The following CCDC171 variants were observed in gnomAD, a reference collection of about 807,000 sequenced individuals.
CCDC171 encodes the protein coiled-coil domain containing 171.
In CCDC171, 177 loss-of-function variants were observed where a neutral mutation model predicts 168.2. The observed-to-expected ratio is 1.05, with a 90% CI of 0.93 to 1.19. The LOEUF (loss-of-function observed/expected upper bound fraction) is 1.19, where lower values mean the gene tolerates loss of function less well. CCDC171 is among the 50% of genes most tolerant of loss of function. The pLI is 0.00. For synonymous variants in CCDC171, 687 were observed against 540.8 expected (o/e 1.27, Z -3.75); for missense variants, 1,991 against 1,539.0 (o/e 1.29, Z -4.91).
In CCDC171 at chr9:15,744,348, G is replaced by C; in HGVS notation, c.2125G>C (p.Glu709Gln). The C allele has an allele frequency of 1.2e-6, 2 of 1,614,000 alleles. No homozygotes were observed. Among genetic ancestry groups the C allele is most frequent in the Non-Finnish European group, 1.7e-6 (2 of 1,179,974 alleles). The change falls in exon 17 of 26, where the codon GAA (glutamate) becomes CAA (glutamine). Residue 709 changes from glutamate to glutamine, a missense_variant. Transcript: ENST00000380701. ...GAAGTCACATGAACAGTTGGTTCTT[G>C]AAAATTCGCACTTCAAAAAACTGTT... ...IEKSHEQLVL[E>Q]NSHFKKLLSQ...
At chr9:15,869,778 A>G (rs1252922963) in intron 23 of CCDC171, among the ~76,000 whole-genome samples, 2 of 151,796 alleles carry the variant, frequency 1.3e-5, no homozygotes, top group Non-Finnish European at 2.9e-5. Flanking sequence ...AGGAGACGGT[A>G]TACAGATTTC....
intron 1 of CCDC171, among the ~76,000 whole-genome samples, chr9:15,558,097 C>T (rs2038964155): frequency 6.6e-6 from 1 of 152,084 alleles, no homozygotes. Flanking sequence ...CCAACTTGAT[C>T]GTGGTGGATA....
At chr9:15,601,939 A>G (rs2042885455) in intron 6 of CCDC171, among the ~76,000 whole-genome samples, 1 of 152,240 alleles carries the variant, frequency 6.6e-6, no homozygotes, top group Admixed American at 6.5e-5. Context: ...TGTAAATCCT[A>G]AATGAAACAT....
At chr9:15,878,918 A>G (rs1317917894) in intron 24 of CCDC171, among the ~76,000 whole-genome samples, 1 of 152,138 alleles carries the variant, frequency 6.6e-6, no homozygotes, top group Non-Finnish European at 1.5e-5. Flanking sequence ...TGGGAGCTAA[A>G]TGATGAGAAC....
chr9:15,569,458 G>GT (rs1365828011), intron 2 of CCDC171, among the ~76,000 whole-genome samples: 3 of 152,184 alleles, frequency 2.0e-5, no homozygotes, highest in Non-Finnish European at 4.4e-5. Flanking sequence ...TAAATTTATT[G>GT]TTTTTCATTC....
In CCDC171 at chr9:15,623,473, G is replaced by GCGCGCA. The variant is rs1554714866; in HGVS notation, c.822+63_822+64insGCACGC. The GCGCGCA allele has an allele frequency of 2.6e-5, 12 of 464,726 alleles. 1 individual carries two copies. In the African/African-American group the frequency reaches 3.2e-4, roughly 13 times the overall value. The allele number at this position is 464,726 out of a possible 1,614,324, so 28.8% of individuals were successfully genotyped here. A position where few individuals can be genotyped will look rare whatever the true frequency, so the allele number is the denominator to read the frequency against. On this transcript the variant is annotated intron_variant, in intron 7 of 25. Coordinates refer to ENST00000380701, the MANE Select transcript of CCDC171 (RefSeq NM_173550.4). ...TACAAACTTTCACATATGCGCGCGC[G>GCGCGCA]CGCACACACACACACACACACACAC...
chr9:16,085,766 T>A, the CCDC171 span, among the ~76,000 whole-genome samples: 4 of 152,228 alleles, frequency 2.6e-5, no homozygotes, highest in Non-Finnish European at 5.9e-5. Context: ...CTGCATGCAA[T>A]AAACACTTAT....
At chr9:15,754,531 A>C (rs543548012) in intron 18 of CCDC171, among the ~76,000 whole-genome samples, 1 of 152,028 alleles carries the variant, frequency 6.6e-6, no homozygotes, top group African/African-American at 2.4e-5. Flanking sequence ...ATGCGCATAC[A>C]CACACACACC....
chr9:15,973,444 G>T lies in CCDC171; in HGVS notation c.*1608G>T, dbSNP rs1831522238. The T allele has an allele frequency of 6.6e-6, 1 of 152,034 alleles. No homozygotes were observed. The allele number at this position is 152,034 out of a possible 1,614,324, so 9.4% of individuals were successfully genotyped here. A position where few individuals can be genotyped will look rare whatever the true frequency, so the allele number is the denominator to read the frequency against. ...TAGCCAAATTAGCCAAGTGATTTATGCCATCTGAGGGAACACAGCAGTATT... is the reference window on the plus strand; with the variant it reads ...TAGCCAAATTAGCCAAGTGATTTATTCCATCTGAGGGAACACAGCAGTATT... On this transcript the variant is annotated 3_prime_UTR_variant, in exon 26 of 26. Coordinates refer to ENST00000380701, the MANE Select transcript of CCDC171 (RefSeq NM_173550.4).
rs777061570 is a variant in CCDC171, at chr9:15,571,696, C to A, written c.114C>A (p.Leu38=). 1.9e-6 allele frequency: 3 copies of A among 1,585,160 alleles called. No individual in the cohort carries two copies. The highest frequency in any genetic ancestry group is 2.7e-5 in the African/African-American group (2 of 73,106). The change falls in exon 3 of 26, where the codon CTC becomes CTA. Residue 38 remains leucine (L), a synonymous_variant. Transcript: ENST00000380701. ...CAGAGTTGGATATTACTGATAATCT[C>A]AGGAAGAAACTCCATTGGGCTAAAA... is the stretch of plus-strand genomic sequence containing the variant. ...NETELDITDN[L]RKKLHWAKKE... is the part of the protein sequence containing the mutation.
At position 15,770,158 on chromosome 9, in the gene CCDC171, C is replaced by A. The variant is rs189339649; in HGVS notation, c.2672-7442C>A. Among the ~76,000 whole-genome samples the A allele has an allele frequency of 3.2e-4, 49 of 152,274 alleles. No individual in the cohort carries two copies. The East Asian group carries it at 9.1e-3, about 28-fold the overall frequency. The stretch of plus-strand genomic sequence containing the variant: ...AGCAGTAAATACTATATTTGTAAAT[C>A]AGGACTTTTATCACTTTTAAATATA... On this transcript the variant is annotated intron_variant, in intron 18 of 25. Transcript: ENST00000380701.
chr9:15,722,178 G>A (rs1207035657), intron 12 of CCDC171, among the ~76,000 whole-genome samples: 2 of 152,116 alleles, frequency 1.3e-5, no homozygotes, highest in Non-Finnish European at 2.9e-5. Flanking sequence ...AGTAGTTTAA[G>A]TTAATATGTA....
At chr9:15,710,217 A>G (rs994079970) in intron 11 of CCDC171, among the ~76,000 whole-genome samples, 2 of 152,196 alleles carry the variant, frequency 1.3e-5, no homozygotes, top group Non-Finnish European at 2.9e-5. Flanking sequence ...AATATCAGTT[A>G]GTTTAAATTA....
chr9:16,091,075 C>G, the CCDC171 span, among the ~76,000 whole-genome samples: 8 of 152,318 alleles, frequency 5.3e-5, no homozygotes, highest in East Asian at 1.4e-3. Flanking sequence ...GGTCACCCCC[C>G]ACCCAGGAAT....
chr9:15,623,049 A>G (rs1182930161), intron 6 of CCDC171, among the ~76,000 whole-genome samples: 1 of 152,202 alleles, frequency 6.6e-6, no homozygotes, highest in African/African-American at 2.4e-5. Flanking sequence ...TGTAATATTA[A>G]TCAGAGTTTT....
At chr9:15,823,414 C>T (rs571612793) in intron 21 of CCDC171, among the ~76,000 whole-genome samples, 1 of 151,956 alleles carries the variant, frequency 6.6e-6, no homozygotes, top group African/African-American at 2.4e-5. Context: ...CAGATGTTTT[C>T]TCTTCATATA....
intron 24 of CCDC171, among the ~76,000 whole-genome samples, chr9:15,891,589 A>T (rs1182624460): frequency 6.6e-6 from 1 of 152,184 alleles, no homozygotes; most frequent in Non-Finnish European, 1.5e-5. Flanking sequence ...TGCCTTTATT[A>T]AGCCCCAAAT....
chr9:15,874,400 T>G, intron 23 of CCDC171, 132 bp from the exon 24 acceptor site: 1 of 660,966 alleles, frequency 1.5e-6, no homozygotes. Context: ...AATCAATTAG[T>G]CCTAAATTTA....
chr9:15,638,445 T>C (rs1207452038), intron 7 of CCDC171, among the ~76,000 whole-genome samples: 1 of 152,070 alleles, frequency 6.6e-6, no homozygotes, highest in African/African-American at 2.4e-5. Context: ...GTTAGTGGTA[T>C]TTTTAAGAGA....
Sources: gnomAD v4.1 joint callset for allele counts (sites outside exome capture counted in the v4.1 genomes callset) on GRCh38, gnomAD v4.1.1 for gene constraint, MANE v1.5 for transcripts, NCBI Gene and HGNC (gene_info 2026-07-23, HGNC 2026-07-21) for gene names.